The following FBXL20 variants were observed in gnomAD, a reference collection of about 807,000 sequenced individuals.
FBXL20 encodes the protein F-box/LRR-repeat protein 20.
A neutral mutation model predicts 64.0 loss-of-function variants in FBXL20; 11 were observed. The observed-to-expected ratio is 0.17, with a 90% confidence interval of 0.11 to 0.28. The LOEUF (loss-of-function observed/expected upper bound fraction) is 0.28. Among genes scored for constraint, FBXL20 ranks in the 10% least tolerant of loss-of-function variants. The pLI, the probability that FBXL20 is intolerant of heterozygous loss-of-function variation, is 1.00. For missense variants in FBXL20, 303 were observed against 526.2 expected (o/e 0.58, Z 4.15); for synonymous variants, 184 against 189.0 (o/e 0.97, Z 0.22).
chr17:39,400,822 G>GT (rs949225229), intron 1 of FBXL20, among the ~76,000 whole-genome samples: 2 of 152,228 alleles, frequency 1.3e-5, no homozygotes, highest in Admixed American at 1.3e-4. Flanking sequence ...AGCAGAGGAA[G>GT]TATCAGAACA....
At chr17:39,392,028 T>C (rs528250867) in intron 1 of FBXL20, among the ~76,000 whole-genome samples, 53 of 151,562 alleles carry the variant, frequency 3.5e-4, no homozygotes, top group Admixed American at 1.3e-3. Context: ...ATCCCAGCTA[T>C]CGGGAGGCTG....
At chr17:39,291,086 A>T (rs2047034137) in intron 6 of FBXL20, among the ~76,000 whole-genome samples, 1 of 150,332 alleles carries the variant, frequency 6.7e-6, no homozygotes, top group Non-Finnish European at 1.5e-5. Flanking sequence ...CTCAGCCTCC[A>T]GAGCAGCTGG....
At chr17:39,268,586 C>A (rs1208600498) in intron 12 of FBXL20, among the ~76,000 whole-genome samples, 1 of 152,072 alleles carries the variant, frequency 6.6e-6, no homozygotes, top group African/African-American at 2.4e-5. Flanking sequence ...AGCTTTACAG[C>A]CTGAATGCTT....
intron 13 of FBXL20, 50 bp from the exon 14 acceptor site, chr17:39,264,437 C>T: frequency 1.9e-6 from 3 of 1,582,446 alleles, no homozygotes; most frequent in South Asian, 1.1e-5. Flanking sequence ...TCTGGCATTC[C>T]TCTAGCCAGA....
At chr17:39,292,689 G>A (rs576478252) in intron 6 of FBXL20, among the ~76,000 whole-genome samples, 5 of 151,700 alleles carry the variant, frequency 3.3e-5, no homozygotes, top group African/African-American at 9.7e-5. Flanking sequence ...ACACGATCTC[G>A]GCTCACTGCA....
At chr17:39,278,662 C>T (rs573342573) in intron 9 of FBXL20, among the ~76,000 whole-genome samples, 33 of 151,632 alleles carry the variant, frequency 2.2e-4, no homozygotes, top group African/African-American at 8.0e-4. Context: ...ATTCTCCTGC[C>T]TCAGCCTCCC....
chr17:39,360,683 T>C (rs1406250045), intron 1 of FBXL20, among the ~76,000 whole-genome samples: 1 of 152,214 alleles, frequency 6.6e-6, no homozygotes, highest in Admixed American at 6.5e-5. Context: ...ATCCACTTTG[T>C]CCTCTGCTCT....
chr17:39,285,457 T>C (rs775738707), intron 7 of FBXL20, 21 bp downstream of exon 7: 11 of 1,506,352 alleles, frequency 7.3e-6, no homozygotes, highest in Non-Finnish European at 9.0e-6. Flanking sequence ...TTACTTGACA[T>C]GCTTATTATA....
At chr17:39,350,109 A>G (rs982657987) in intron 1 of FBXL20, among the ~76,000 whole-genome samples, 8 of 152,352 alleles carry the variant, frequency 5.3e-5, no homozygotes, top group Middle Eastern at 3.4e-3. Flanking sequence ...ATCTCACCTA[A>G]TAAGGCACTA....
At chr17:39,275,683 C>T (rs2046883613) in intron 9 of FBXL20, among the ~76,000 whole-genome samples, 1 of 151,672 alleles carries the variant, frequency 6.6e-6, no homozygotes, top group Admixed American at 6.6e-5. Context: ...GTACTTGAAT[C>T]ACAGGCTTGA....
chr17:39,348,808 C>T (rs1216444061), intron 1 of FBXL20, among the ~76,000 whole-genome samples: 1 of 152,146 alleles, frequency 6.6e-6, no homozygotes, highest in Non-Finnish European at 1.5e-5. Flanking sequence ...AATGCTCCCC[C>T]TTCGGCCTCC....
intron 2 of FBXL20, among the ~76,000 whole-genome samples, chr17:39,323,204 C>G (rs947083476): frequency 1.3e-5 from 2 of 151,942 alleles, no homozygotes; most frequent in Non-Finnish European, 2.9e-5. Context: ...CTCCTGACCT[C>G]GTGATCCGCC....
intron 2 of FBXL20, among the ~76,000 whole-genome samples, chr17:39,317,832 G>T (rs1172563342): frequency 6.6e-6 from 1 of 151,328 alleles, no homozygotes; most frequent in East Asian, 2.0e-4. Context: ...CTCCCCAGCA[G>T]CTGGGACTAC....
At position 39,360,018 on chromosome 17, in the gene FBXL20, T is replaced by C. The variant is rs138352718; in HGVS notation, c.43-16777A>G. ...AATGTATAAACATAAAATATTAAAA[T>C]TATGTTGTTTTATGATTATATAAAA... is the stretch of plus-strand genomic sequence containing the variant. On this transcript the variant is annotated intron_variant, in intron 1 of 14. Transcript: ENST00000264658. 6.4e-3 allele frequency among the ~76,000 whole-genome samples: 969 copies of C among 152,244 alleles called. 8 individuals carry two copies. The highest frequency in any genetic ancestry group is 0.011 in the Non-Finnish European group (739 of 68,014).
chr17:39,377,092 G>C (rs2047974391), intron 1 of FBXL20, among the ~76,000 whole-genome samples: 1 of 152,110 alleles, frequency 6.6e-6, no homozygotes, highest in Non-Finnish European at 1.5e-5. Flanking sequence ...TTAGCCACAA[G>C]ATTAGAAATT....
Position 39,401,542 on chromosome 17 carries a change from G to A in FBXL20, c.-140C>T, listed in dbSNP as rs2048245012. ...CCGGGACCGTGGGACGGGAACAAGA[G>A]ACCTCTCGGCTCCGGCTAGGCCTCC... On this transcript the variant is annotated 5_prime_UTR_variant, in exon 1 of 15. Transcript: ENST00000264658. 2.8e-6 allele frequency: 4 copies of A among 1,438,100 alleles called. No individual in the cohort carries two copies. Among genetic ancestry groups the A allele is most frequent in the Non-Finnish European group, 3.6e-6 (4 of 1,106,808 alleles). 89.1% of individuals were successfully genotyped at this position (1,438,100 alleles called of 1,614,324 possible). A position where few individuals can be genotyped will look rare whatever the true frequency, so the allele number is the denominator to read the frequency against.
chr17:39,279,642 T>A (rs2046930701), intron 9 of FBXL20, among the ~76,000 whole-genome samples: 1 of 152,182 alleles, frequency 6.6e-6, no homozygotes, highest in Non-Finnish European at 1.5e-5. Context: ...ACACCTGTAT[T>A]CCCAGCACTT....
At chr17:39,284,432 G>A (rs895601677) in intron 7 of FBXL20, among the ~76,000 whole-genome samples, 1 of 152,176 alleles carries the variant, frequency 6.6e-6, no homozygotes, top group Non-Finnish European at 1.5e-5. Flanking sequence ...CCAGCCTGGA[G>A]TGCAGTGGCA....
intron 1 of FBXL20, among the ~76,000 whole-genome samples, chr17:39,381,732 G>A (rs1360266521): frequency 2.0e-5 from 3 of 150,334 alleles, no homozygotes; most frequent in Non-Finnish European, 4.4e-5. Flanking sequence ...GGTTTAGGCT[G>A]TAGTGAGCCA....
Sources: allele counts gnomAD v4.1 joint callset (sites outside exome capture counted in the v4.1 genomes callset), GRCh38; gene constraint gnomAD v4.1.1; transcripts MANE v1.5; gene names NCBI Gene and HGNC (gene_info 2026-07-23, HGNC 2026-07-21).